ZFHX4: variants seen among roughly 807,000 people sequenced by gnomAD.
ZFHX4 encodes zinc finger homeobox protein 4.
ZFHX4 carries 56 observed loss-of-function variants against 267.6 expected under a neutral mutation model. That is an observed-to-expected ratio of 0.21 (90% confidence interval 0.17 to 0.26). The LOEUF (loss-of-function observed/expected upper bound fraction) is 0.26. Ranked by LOEUF, ZFHX4 falls within the 10% of genes least tolerant of loss-of-function variation. The pLI is 1.00. For missense variants in ZFHX4, 4,332 were observed against 4,420.0 expected, an observed-to-expected ratio of 0.98 and a Z score of 0.56; for synonymous variants, 1,778 against 1,665.6, an observed-to-expected ratio of 1.07 and a Z score of -1.64.
At chr8:76,845,578 A>G (rs1482554474) in intron 6 of ZFHX4, among the ~76,000 whole-genome samples, 1 of 152,050 alleles carries the variant, frequency 6.6e-6, no homozygotes, top group East Asian at 1.9e-4. Context: ...ATAGTATTCA[A>G]ACTTTATTAA....
At chr8:76,846,008 G>T (rs776916591) in intron 6 of ZFHX4, among the ~76,000 whole-genome samples, 4 of 151,846 alleles carry the variant, frequency 2.6e-5, no homozygotes, top group Non-Finnish European at 5.9e-5. Flanking sequence ...AAATAAAGTG[G>T]CAGGCATAAA....
At position 76,707,542 on chromosome 8, in the gene ZFHX4, G is replaced by A. The variant is rs1401075449; in HGVS notation, c.2591-4G>A. ...TTTTTCCTTTTAATTTTTTTTTCCTGTAGTAAATAATGAGCTGCCGCCTGA... is the reference window on the plus strand; with the variant it reads ...TTTTTCCTTTTAATTTTTTTTTCCTATAGTAAATAATGAGCTGCCGCCTGA... On this transcript the variant is annotated splice_polypyrimidine_tract_variant and splice_region_variant and intron_variant, in intron 2 of 10. Coordinates refer to ENST00000651372, the MANE Select transcript of ZFHX4 (RefSeq NM_024721.5). The A allele has an allele frequency of 6.5e-6, 10 of 1,532,970 alleles. No individual in the cohort carries two copies. Among genetic ancestry groups the A allele is most frequent in the Admixed American group, 4.3e-5 (2 of 46,384 alleles). The allele number at this position is 1,532,970 out of a possible 1,614,324, so 95.0% of individuals were successfully genotyped here.
intron 3 of ZFHX4, among the ~76,000 whole-genome samples, chr8:76,728,936 G>A (rs1259329567): frequency 3.3e-5 from 5 of 152,152 alleles, no homozygotes; most frequent in Non-Finnish European, 7.4e-5. Context: ...TTTTATTTGA[G>A]AGACTTGACC....
At chr8:76,786,754 A>C (rs16939362) in intron 4 of ZFHX4, among the ~76,000 whole-genome samples, 2 of 152,122 alleles carry the variant, frequency 1.3e-5, no homozygotes, top group Admixed American at 1.3e-4. Context: ...TGTTCCCATA[A>C]GTAGAACTTC....
At chr8:76,771,467 C>T (rs1810262169) in intron 3 of ZFHX4, among the ~76,000 whole-genome samples, 2 of 151,940 alleles carry the variant, frequency 1.3e-5, no homozygotes, top group Non-Finnish European at 2.9e-5. Context: ...GAGATAAGAT[C>T]TTACTCTGTT....
At chr8:76,789,571 A>G (rs767092847) in intron 4 of ZFHX4, among the ~76,000 whole-genome samples, 3 of 152,134 alleles carry the variant, frequency 2.0e-5, no homozygotes, top group Non-Finnish European at 2.9e-5. Context: ...CAAAGTAAGC[A>G]TTTCAGGATC....
chr8:76,814,034 G>A (rs987976249), intron 4 of ZFHX4, among the ~76,000 whole-genome samples: 6 of 151,790 alleles, frequency 4.0e-5, no homozygotes, highest in Non-Finnish European at 8.8e-5. Flanking sequence ...GACAATAACC[G>A]TCATCATGCT....
intron 4 of ZFHX4, among the ~76,000 whole-genome samples, chr8:76,813,993 T>C (rs1442901674): frequency 6.6e-6 from 1 of 152,204 alleles, no homozygotes; most frequent in East Asian, 1.9e-4. Flanking sequence ...ATCAGCTGAT[T>C]TGTCTTCATG....
rs1808210723 is a variant in ZFHX4, at chr8:76,704,993, G to A, written c.905G>A (p.Arg302Gln). Residue 302 changes from arginine to glutamine, a missense_variant, in exon 2 of 11, where the codon CGG becomes CAG. Physicochemically the swap from Arg to Gln is conservative, Grantham distance 43. Around this residue, in one of 7 missense-constraint regions of ZFHX4, gnomAD observed 1,195 missense variants for 1,173.6 expected, o/e 1.02. Coordinates refer to ENST00000651372, the MANE Select transcript of ZFHX4 (RefSeq NM_024721.5). ...GTAACCCATGCTGTGCATGATCATC[G>A]GATGACCCTCAATGACGAGGAGCAG... ...SFVTHAVHDH[R>Q]MTLNDEEQKL... 1 of 1,613,802 alleles carries A rather than the reference G, an allele frequency of 6.2e-7. No individual in the cohort carries two copies. The highest frequency in any genetic ancestry group is 1.1e-5 in the South Asian group (1 of 91,046).
At position 76,855,227 on chromosome 8, in the gene ZFHX4, GC is replaced by G; in HGVS notation, c.8309del (p.Pro2770LeufsTer12). 1 of 1,612,356 alleles carries G rather than the reference GC, an allele frequency of 6.2e-7. No homozygotes were observed. Among genetic ancestry groups the G allele is most frequent in the Non-Finnish European group, 8.5e-7 (1 of 1,179,364 alleles). ...TAELSPKNLL[S>X]PSSFKAECSE... Reference sequence around the variant, plus strand: ...GAGCTGTCACCGAAGAATCTTTTAAGCCCTTCTTCTTTTAAAGCAGAGTGTT... The same window carrying G: ...GAGCTGTCACCGAAGAATCTTTTAAGCCTTCTTCTTTTAAAGCAGAGTGTT... On this transcript the variant is annotated frameshift_variant, in exon 10 of 11. Transcript: ENST00000651372. LOFTEE classifies it high-confidence loss of function.
intron 4 of ZFHX4, among the ~76,000 whole-genome samples, chr8:76,801,394 G>T (rs531866267): frequency 4.4e-4 from 67 of 152,200 alleles, no homozygotes; most frequent in African/African-American, 1.5e-3. Context: ...TAAAAGGACC[G>T]TTTAACCTTA....
At chr8:76,825,076 C>G (rs980103861) in intron 4 of ZFHX4, among the ~76,000 whole-genome samples, 2 of 152,160 alleles carry the variant, frequency 1.3e-5, no homozygotes, top group Non-Finnish European at 2.9e-5. Context: ...GCCTAAAACA[C>G]TAACTTAACT....
In ZFHX4 at chr8:76,705,772, G is replaced by T. The variant is rs1437042108; in HGVS notation, c.1684G>T (p.Ala562Ser). ...CATCAGTGGCAAGGACTTTGCAGAC[G>T]CAAGTGCCAGTAAAGACAGTGCCAC... ...YGISGKDFAD[A>S]SASKDSATAA... The change falls in exon 2 of 11, where the codon GCA becomes TCA. Residue 562 changes from alanine to serine, a missense_variant. By Grantham distance (99) the Ala-to-Ser change is moderately conservative (BLOSUM62 1). This residue lies in a region of ZFHX4 where 1,195 missense variants were observed against 1,173.6 expected (regional missense o/e 1.02). Coordinates refer to ENST00000651372, the MANE Select transcript of ZFHX4 (RefSeq NM_024721.5). 2.5e-6 allele frequency: 4 copies of T among 1,613,984 alleles called. No homozygotes were observed. Among genetic ancestry groups the T allele is most frequent in the Admixed American group, 3.3e-5 (2 of 60,010 alleles).
chr8:76,743,258 A>C (rs1252915616), intron 3 of ZFHX4, among the ~76,000 whole-genome samples: 1 of 152,160 alleles, frequency 6.6e-6, no homozygotes, highest in Non-Finnish European at 1.5e-5. Context: ...TCTTCCTCGA[A>C]CTTCTGATTG....
Position 76,767,445 on chromosome 8 carries a change from A to T in ZFHX4, c.3094-10763A>T, listed in dbSNP as rs147883879. Among the ~76,000 whole-genome samples the T allele has an allele frequency of 2.4e-4, 37 of 151,950 alleles. No homozygotes were observed. In the East Asian group the frequency reaches 6.6e-3, roughly 27 times the overall value. On this transcript the variant is annotated intron_variant, in intron 3 of 10. Transcript: ENST00000651372. ...AACTCCTGGTAGGTCTTTTTCTCCCACCTCTTCTGTGTTCTTGTTATCCCA... is the reference window on the plus strand; with the variant it reads ...AACTCCTGGTAGGTCTTTTTCTCCCTCCTCTTCTGTGTTCTTGTTATCCCA...
Position 76,854,514 on chromosome 8 carries a change from G to A in ZFHX4, c.7593G>A (p.Arg2531=). Residue 2531 remains arginine, a synonymous_variant, in exon 10 of 11, where the codon AGG becomes AGA. Transcript: ENST00000651372. ...TCCTTCACTCTCCGTTCTTGGAAAG[G>A]CCCATGGACATGCCCTACATGATAT... ...NQFLHSPFLE[R]PMDMPYMIFD... 6.2e-7 allele frequency: 1 copy of A among 1,613,648 alleles called. No homozygotes were observed. The highest frequency in any genetic ancestry group is 8.5e-7 in the Non-Finnish European group (1 of 1,179,830).
chr8:76,798,016 G>T (rs865823056), intron 4 of ZFHX4, among the ~76,000 whole-genome samples: 4 of 151,792 alleles, frequency 2.6e-5, no homozygotes, highest in Admixed American at 6.6e-5. Flanking sequence ...ATACTAATGT[G>T]TTGCCATTTT....
chr8:76,851,102 T>C lies in ZFHX4; in HGVS notation c.4181T>C (p.Val1394Ala). The change falls in exon 10 of 11, where the codon GTC becomes GCC. Residue 1394 changes from valine (V) to alanine (A), a missense_variant. Transcript: ENST00000651372. Reference protein sequence around the residue: ...RQPLSVSDRHVYKYRCNHCSL... With the variant: ...RQPLSVSDRHAYKYRCNHCSL... ...CCGCTCTCTGTTTCTGACCGTCATG[T>C]CTACAAGTATCGCTGTAACCATTGT... is the stretch of plus-strand genomic sequence containing the variant. The C allele has an allele frequency of 6.2e-7, 1 of 1,614,016 alleles. No homozygotes were observed. Among genetic ancestry groups the C allele is most frequent in the Non-Finnish European group, 8.5e-7 (1 of 1,179,878 alleles).
rs918039725 is a variant in ZFHX4 at position 76,863,069 on chromosome 8, G to T, written c.9380-25G>T. ...GATGTTGGTCTGTACATTGACAGTG[G>T]CCATCTCTCTGTTGTTGTTTTCAGC... On this transcript the variant is annotated intron_variant, in intron 10 of 10. Coordinates refer to ENST00000651372, the MANE Select transcript of ZFHX4 (RefSeq NM_024721.5). 8.1e-6 allele frequency: 12 copies of T among 1,485,314 alleles called. No individual in the cohort carries two copies. The African/African-American group carries it at 1.6e-4, about 19-fold the overall frequency. 92.0% of individuals were successfully genotyped at this position (1,485,314 alleles called of 1,614,324 possible). A position where few individuals can be genotyped will look rare whatever the true frequency, so the allele number is the denominator to read the frequency against.
Sources: gnomAD v4.1 joint callset for allele counts (sites outside exome capture counted in the v4.1 genomes callset) on GRCh38, gnomAD v4.1.1 for gene constraint, gnomAD v4.1.1 regional missense constraint, MANE v1.5 for transcripts, NCBI Gene and HGNC (gene_info 2026-07-23, HGNC 2026-07-21) for gene names.